Variants in IGSF22 observed in about 807,000 individuals in gnomAD.
IGSF22 encodes immunoglobulin superfamily member 22.
IGSF22 carries 119 observed loss-of-function variants against 127.0 expected under a neutral mutation model. The observed-to-expected ratio is 0.94, with a 90% CI of 0.81 to 1.09. The LOEUF (loss-of-function observed/expected upper bound fraction) is 1.09, where lower values mean the gene tolerates loss of function less well. IGSF22 is among the 50% of genes least tolerant of loss of function. The probability of loss-of-function intolerance (pLI) is 0.00; values close to 1 mark genes in which losing one functional copy is unlikely to be tolerated. For synonymous variants in IGSF22, 568 were observed against 664.7 expected, an observed-to-expected ratio of 0.85 and a Z score of 2.24; for missense variants, 1,518 against 1,716.6, an observed-to-expected ratio of 0.88 and a Z score of 2.04.
In IGSF22 at chr11:18,705,953, C is replaced by T; in HGVS notation, c.3774G>A (p.Lys1258=). 1 of 1,551,758 alleles carries T rather than the reference C, an allele frequency of 6.4e-7. No individual in the cohort carries two copies. Among genetic ancestry groups the T allele is most frequent in the African/African-American group, 1.4e-5 (1 of 73,178 alleles). Residue 1258 remains lysine (K), a synonymous_variant, in exon 22 of 23, where the codon AAG becomes AAA. Coordinates refer to ENST00000513874, the MANE Select transcript of IGSF22 (RefSeq NM_173588.4). ...KGDVNITANS[K]FWYNSTSGVC... is the part of the protein sequence containing the mutation. Reference sequence around the variant, plus strand: ...CGCCGCTGGTGGAGTTGTACCAGAACTTGGAGTTGGCCGTGATGTTGACGT... The same window carrying T: ...CGCCGCTGGTGGAGTTGTACCAGAATTTGGAGTTGGCCGTGATGTTGACGT...
intron 1 of IGSF22, among the ~76,000 whole-genome samples, chr11:18,725,194 C>T (rs1474497807): frequency 6.6e-6 from 1 of 151,858 alleles, no homozygotes; most frequent in Non-Finnish European, 1.5e-5. Flanking sequence ...TTTGGGTGAT[C>T]TCGGCTCATT....
intron 22 of IGSF22, 110 bp from the exon 23 acceptor site, chr11:18,704,648 T>A: frequency 1.4e-6 from 1 of 718,150 alleles, no homozygotes; most frequent in Non-Finnish European, 2.4e-6. Context: ...CTGGGACCCT[T>A]AATCTTGGGT....
At position 18,714,008 on chromosome 11, in the gene IGSF22, C is replaced by A; in HGVS notation, c.1939G>T (p.Glu647Ter). The A allele has an allele frequency of 6.2e-7, 1 of 1,614,292 alleles. No individual in the cohort carries two copies. Among genetic ancestry groups the A allele is most frequent in the Non-Finnish European group, 8.5e-7 (1 of 1,180,050 alleles). ...PKVTWYKDGM[E>*]VTEEERVSME... ...GACACGCGTTCCTCCTCCGTCACTTCCATGCCATCCTTGTACCATGTCACT... is the reference window on the plus strand; with the variant it reads ...GACACGCGTTCCTCCTCCGTCACTTACATGCCATCCTTGTACCATGTCACT... Residue 647 changes from glutamate (E) to a stop codon, truncating the protein, a stop_gained, in exon 14 of 23, where the codon GAA becomes TAA. Coordinates refer to ENST00000513874, the MANE Select transcript of IGSF22 (RefSeq NM_173588.4). LOFTEE classifies it high-confidence loss of function.
At chr11:18,708,175 G>A (rs1158430433) in intron 19 of IGSF22, 32 bp downstream of exon 19, 1 of 1,535,814 alleles carries the variant, frequency 6.5e-7, no homozygotes. Context: ...TATGTGGACA[G>A]TGTATGGAGG....
intron 14 of IGSF22, 87 bp from the exon 15 acceptor site, chr11:18,712,471 T>G: frequency 8.1e-7 from 1 of 1,234,418 alleles, no homozygotes; most frequent in Non-Finnish European, 1.1e-6. Context: ...CTGCCCAGAC[T>G]AGGGTATAGC....
intron 2 of IGSF22, among the ~76,000 whole-genome samples, chr11:18,722,332 T>C (rs887193542): frequency 6.6e-6 from 1 of 151,826 alleles, no homozygotes; most frequent in African/African-American, 2.4e-5. Context: ...GAGGCTTCTC[T>C]TTTGGAATTT....
rs764686445 is a variant in IGSF22 at position 18,721,594 on chromosome 11, G to A, written c.319C>T (p.Pro107Ser). 15 of 1,614,240 alleles carry A rather than the reference G, an allele frequency of 9.3e-6. No homozygotes were observed. The East Asian group carries it at 1.8e-4, about 19-fold the overall frequency. ...AATATCTTGGCGGACTCCTTGATGGGGATGCCGCTCTCCCTCTTCCAGGAG... is the reference window on the plus strand; with the variant it reads ...AATATCTTGGCGGACTCCTTGATGGAGATGCCGCTCTCCCTCTTCCAGGAG... ...HISWKRESGI[P>S]IKESAKIFYD... is the part of the protein sequence containing the mutation. The change falls in exon 4 of 23, where the codon CCC becomes TCC. Residue 107 changes from proline to serine, a missense_variant. Transcript: ENST00000513874.
At position 18,718,663 on chromosome 11, in the gene IGSF22, G is replaced by A. The variant is rs377454095; in HGVS notation, c.762C>T (p.Asp254=). Residue 254 remains aspartate, a synonymous_variant, in exon 8 of 23, where the codon GAC becomes GAT. Transcript: ENST00000513874. ...ETKVDTTVVF[D]CIMELKDPNV... ...TGGGGTCTTTCAGTTCCATTATGCA[G>A]TCAAAGACCACTGTGGTGTCAACCT... The A allele has an allele frequency of 1.2e-6, 2 of 1,613,678 alleles. No homozygotes were observed. The highest frequency in any genetic ancestry group is 1.6e-4 in the Middle Eastern group (1 of 6,082).
Position 18,706,941 on chromosome 11 carries a change from C to A in IGSF22, c.3553G>T (p.Asp1185Tyr). 1 of 1,521,250 alleles carries A rather than the reference C, an allele frequency of 6.6e-7. No individual in the cohort carries two copies. Among genetic ancestry groups the A allele is most frequent in the Non-Finnish European group, 8.8e-7 (1 of 1,130,642 alleles). The allele number at this position is 1,521,250 out of a possible 1,614,324, so 94.2% of individuals were successfully genotyped here. Residue 1185 changes from aspartate to tyrosine, a missense_variant, in exon 21 of 23, where the codon GAC becomes TAC. Physicochemically the swap from Asp to Tyr is radical, Grantham distance 160. Transcript: ENST00000513874. The part of the protein sequence containing the change: ...IGDSEPLDSR[D>Y]TWLINKDQIQ... ...TGGTCCTTATTGATGAGCCAGGTGT[C>A]CCTGGAGTCAAGTGGCTCACTGTCA...
chr11:18,721,797 G>A, intron 3 of IGSF22, 113 bp downstream of exon 3: 5 of 1,581,222 alleles, frequency 3.2e-6, no homozygotes, highest in Non-Finnish European at 4.3e-6. Flanking sequence ...GGAACCCTCG[G>A]CCAGGCTCTG....
intron 20 of IGSF22, 97 bp downstream of exon 20, chr11:18,707,706 AT>A: frequency 1.0e-6 from 1 of 986,958 alleles, no homozygotes; most frequent in Non-Finnish European, 1.5e-6. Context: ...GCCCTAAGGC[AT>A]GACTTTCCTG....
In IGSF22 at chr11:18,716,663, G is replaced by T; in HGVS notation, c.1246+65C>A. On this transcript the variant is annotated intron_variant, in intron 10 of 22. Transcript: ENST00000513874. This position sits in a 1 kb window ranked among gnomAD's most constrained non-coding sequence, Gnocchi z 4.5. The stretch of plus-strand genomic sequence containing the variant: ...ATGGATAGATGGATATATAAATGAT[G>T]ACTACCTGCATGGAGGTTGCTGTGC... The T allele has an allele frequency of 6.7e-7, 1 of 1,502,502 alleles. No homozygotes were observed. The highest frequency in any genetic ancestry group is 1.2e-5 in the South Asian group (1 of 84,854). The allele number at this position is 1,502,502 out of a possible 1,614,324, so 93.1% of individuals were successfully genotyped here. A position where few individuals can be genotyped will look rare whatever the true frequency, so the allele number is the denominator to read the frequency against.
rs368989908 is a variant in IGSF22, at chr11:18,714,319, G to A, written c.1756C>T (p.Arg586Trp). The change falls in exon 13 of 23, where the codon CGG becomes TGG. Residue 586 changes from arginine to tryptophan, a missense_variant. Around this residue, in one of 3 missense-constraint regions of IGSF22, gnomAD observed 1,456 missense variants for 1,644.9 expected, o/e 0.89. Coordinates refer to ENST00000513874, the MANE Select transcript of IGSF22 (RefSeq NM_173588.4). The stretch of plus-strand genomic sequence containing the variant: ...GCTTCACTTTCCGTGCCCTTGGCCC[G>A]GAATGTGTACTTGCCCTCGTGCTCA... ...GPEHEGKYTFRAKGTESEASV... is the reference protein window; with the variant it reads ...GPEHEGKYTFWAKGTESEASV... 6.8e-5 allele frequency: 110 copies of A among 1,614,202 alleles called. 1 individual carries two copies. The highest frequency in any genetic ancestry group is 5.1e-4 in the South Asian group (46 of 91,080).
Position 18,704,500 on chromosome 11 carries a change from T to G in IGSF22, c.3949A>C (p.Ser1317Arg). 1.9e-6 allele frequency: 3 copies of G among 1,550,772 alleles called. No individual in the cohort carries two copies. The highest frequency in any genetic ancestry group is 1.7e-6 in the Non-Finnish European group (2 of 1,146,610). ...DKSVVASITE[S>R]LQKKSKHLM ...AGGTGCTTTGATTTCTTCTGCAGAC[T>G]CTCGGTGATGGATGCTACAACTGAC... is the stretch of plus-strand genomic sequence containing the variant. Residue 1317 changes from serine (S) to arginine (R), a missense_variant, in exon 23 of 23, where the codon AGT (serine) becomes CGT (arginine). Ser to Arg is a moderately radical substitution (Grantham distance 110, BLOSUM62 -1). Transcript: ENST00000513874.
chr11:18,720,364 T>A, intron 4 of IGSF22, 79 bp from the exon 5 acceptor site: 2 of 228,292 alleles, frequency 8.8e-6, no homozygotes, highest in Non-Finnish European at 1.5e-5. Context: ...GTAGGAGGCC[T>A]TTTTTTTTTT....
chr11:18,719,759 A>C lies in IGSF22; in HGVS notation c.653T>G (p.Leu218Arg). ...MEYGFTDFRG[L>R]LRKLKEMKKK... ...CTTCATCTCTTTGAGCTTCCTGAGC[A>C]GCCCCCGAAAGTCGGTGAAACCATA... Residue 218 changes from leucine (L) to arginine (R), a missense_variant, in exon 7 of 23, where the codon CTG becomes CGG. Physicochemically the swap from Leu to Arg is moderately radical, Grantham distance 102. This residue lies in a region of IGSF22 where 1,456 missense variants were observed against 1,644.9 expected (regional missense o/e 0.89). Coordinates refer to ENST00000513874, the MANE Select transcript of IGSF22 (RefSeq NM_173588.4). 7 of 1,614,196 alleles carry C rather than the reference A, an allele frequency of 4.3e-6. No homozygotes were observed. The highest frequency in any genetic ancestry group is 5.9e-6 in the Non-Finnish European group (7 of 1,180,034).
intron 1 of IGSF22, among the ~76,000 whole-genome samples, chr11:18,725,082 G>A (rs1848631032): frequency 6.6e-6 from 1 of 150,648 alleles, no homozygotes; most frequent in African/African-American, 2.5e-5. Flanking sequence ...TTCATTTAAT[G>A]TGTCTTGGAG....
chr11:18,711,155 C>A (rs952125954), intron 15 of IGSF22, among the ~76,000 whole-genome samples: 7 of 151,916 alleles, frequency 4.6e-5, no homozygotes, highest in Non-Finnish European at 7.4e-5. Flanking sequence ...AAAAAAAAAA[C>A]CACTGACAAC....
intron 3 of IGSF22, 67 bp downstream of exon 3, chr11:18,721,843 G>A: frequency 6.3e-7 from 1 of 1,598,224 alleles, no homozygotes; most frequent in South Asian, 1.1e-5. Context: ...GGGGTAGGAC[G>A]GAGGGTGGGG....
Sources: allele counts gnomAD v4.1 joint callset (sites outside exome capture counted in the v4.1 genomes callset), GRCh38; gene constraint gnomAD v4.1.1; regional missense constraint gnomAD v4.1.1; non-coding constraint Gnocchi (gnomAD v3.1); transcripts MANE v1.5; gene names NCBI Gene and HGNC (gene_info 2026-07-23, HGNC 2026-07-21).